RFPL1: variants seen among roughly 807,000 people sequenced by gnomAD.
The protein encoded by RFPL1 is ret finger protein-like 1.
RFPL1 carries 6 observed loss-of-function variants against 9.6 expected under a neutral mutation model. That is an observed-to-expected ratio of 0.62 (90% confidence interval 0.34 to 1.23). RFPL1 has a LOEUF of 1.23. Ranked by LOEUF, RFPL1 falls within the 50% of genes most tolerant of loss-of-function variation. The probability of loss-of-function intolerance (pLI) is 0.03; values close to 1 mark genes in which losing one functional copy is unlikely to be tolerated. For missense variants in RFPL1, 352 were observed against 398.4 expected, an observed-to-expected ratio of 0.88 and a Z score of 0.99; for synonymous variants, 145 against 149.4, an observed-to-expected ratio of 0.97 and a Z score of 0.22.
At chr22:29,390,388 G>A in the RFPL1 span, among the ~76,000 whole-genome samples, 14 of 151,914 alleles carry the variant, frequency 9.2e-5, no homozygotes, top group Non-Finnish European at 1.5e-4. Context: ...CAGCCTCAAA[G>A]CCTTTAAAAG....
chr22:29,441,939 C>G (rs2062842290), exon 2 of RFPL1: 1 of 1,613,280 alleles, frequency 6.2e-7, no homozygotes, highest in Non-Finnish European at 8.5e-7. Context: ...AGAACGTTTC[C>G]TTTTTTGATG....
upstream of RFPL1, chr22:29,437,609 A>C: frequency 2.5e-6 from 4 of 1,588,360 alleles, no homozygotes; most frequent in Non-Finnish European, 3.4e-6. Context: ...AGGGTGTGGA[A>C]GGGCATGACC....
the RFPL1 span, among the ~76,000 whole-genome samples, chr22:29,404,198 G>A: frequency 1.3e-5 from 2 of 151,652 alleles, no homozygotes; most frequent in Non-Finnish European, 2.9e-5. Flanking sequence ...GGAATAATGT[G>A]TGATTATTAA....
At chr22:29,413,280 C>T in the RFPL1 span, among the ~76,000 whole-genome samples, 2 of 152,030 alleles carry the variant, frequency 1.3e-5, no homozygotes, top group South Asian at 2.1e-4. Flanking sequence ...GTTTATACAG[C>T]TCGAGTTTTC....
chr22:29,434,986 T>C (rs188516261), upstream of RFPL1: 6 of 152,312 alleles, frequency 3.9e-5, no homozygotes, highest in African/African-American at 1.4e-4. Context: ...ATCTACAGTT[T>C]CTCCTGAGCA....
chr22:29,419,022 T>C, the RFPL1 span: 1 of 676,708 alleles, frequency 1.5e-6, no homozygotes, highest in South Asian at 1.7e-5. Context: ...GGGAAGAAAG[T>C]TTTATGAAGG....
At chr22:29,421,457 C>T in the RFPL1 span, among the ~76,000 whole-genome samples, 2 of 150,960 alleles carry the variant, frequency 1.3e-5, no homozygotes, top group South Asian at 2.1e-4. Flanking sequence ...AAAACCCACC[C>T]CTGGGACTCC....
chr22:29,439,112 G>C (rs1222135040), exon 1 of RFPL1: 5 of 1,614,040 alleles, frequency 3.1e-6, no homozygotes, highest in Non-Finnish European at 4.2e-6. Context: ...AGGAACTGGA[G>C]CCCAAGCTGA....
the RFPL1 span, among the ~76,000 whole-genome samples, chr22:29,409,730 A>G: frequency 6.6e-6 from 1 of 152,172 alleles, no homozygotes; most frequent in African/African-American, 2.4e-5. Flanking sequence ...CTGACCATGT[A>G]TATTATAGAA....
At chr22:29,419,203 TC>T in the RFPL1 span, 1 of 1,598,204 alleles carries the variant, frequency 6.3e-7, no homozygotes, top group East Asian at 2.2e-5. Flanking sequence ...CTTCACTGCC[TC>T]CTTCTTCTTC....
At chr22:29,394,588 C>T in the RFPL1 span, among the ~76,000 whole-genome samples, 1 of 152,072 alleles carries the variant, frequency 6.6e-6, no homozygotes, top group African/African-American at 2.4e-5. Context: ...GTGATCTGCC[C>T]GCCTTGGCCT....
chr22:29,419,371 G>A, the RFPL1 span: 1 of 651,548 alleles, frequency 1.5e-6, no homozygotes, highest in South Asian at 1.8e-5. Flanking sequence ...ATCCTATGCT[G>A]TTGGCTGAGG....
the RFPL1 span, among the ~76,000 whole-genome samples, chr22:29,395,242 C>T: frequency 4.6e-5 from 7 of 152,186 alleles, no homozygotes; most frequent in South Asian, 4.2e-4. Flanking sequence ...CCAGCCTTTC[C>T]GCACTCTTGT....
the RFPL1 span, among the ~76,000 whole-genome samples, chr22:29,391,981 C>T: frequency 6.6e-6 from 1 of 152,298 alleles, no homozygotes; most frequent in East Asian, 1.9e-4. Context: ...TGAGAGGGGA[C>T]ATACTGGGAG....
chr22:29,417,497 A>G, the RFPL1 span, among the ~76,000 whole-genome samples: 32,710 of 140,020 alleles, frequency 0.23, 5,235 homozygotes, highest in African/African-American at 0.44. Flanking sequence ...CTCAGCACCC[A>G]GGTTATGAGG....
chr22:29,437,586 C>T, upstream of RFPL1: 5 of 1,562,838 alleles, frequency 3.2e-6, no homozygotes, highest in Non-Finnish European at 4.4e-6. Flanking sequence ...AAATCAAAGC[C>T]TCATTAGGTT....
At chr22:29,411,343 G>T in the RFPL1 span, among the ~76,000 whole-genome samples, 169 of 152,268 alleles carry the variant, frequency 1.1e-3, no homozygotes, top group African/African-American at 3.9e-3. Flanking sequence ...CTGAGAGCCA[G>T]GATATGAAAC....
the RFPL1 span, among the ~76,000 whole-genome samples, chr22:29,427,570 G>GATTCTCCCTTA: frequency 6.6e-6 from 1 of 152,170 alleles, no homozygotes; most frequent in African/African-American, 2.4e-5. Flanking sequence ...AACAGCTTGT[G>GATTCTCCCTTA]ATTCTCCCTT....
chr22:29,424,656 TAAAA>T, the RFPL1 span, among the ~76,000 whole-genome samples: 12 of 121,796 alleles, frequency 9.9e-5, no homozygotes, highest in Non-Finnish European at 1.7e-5. Context: ...AAGGACAAAG[TAAAA>T]AAAAAAAAAA....
Sources: allele counts gnomAD v4.1 joint callset (sites outside exome capture counted in the v4.1 genomes callset), GRCh38; gene constraint gnomAD v4.1.1; transcripts MANE v1.5; gene names NCBI Gene and HGNC (gene_info 2026-07-23, HGNC 2026-07-21).